The following NKAIN2 variants were observed in gnomAD, a reference collection of about 807,000 sequenced individuals.
NKAIN2 encodes the protein sodium/potassium transporting ATPase interacting 2, also known as sodium/potassium-transporting ATPase subunit beta-1-interacting protein 2.
A neutral mutation model predicts 32.6 loss-of-function variants in NKAIN2; 14 were observed. The ratio of observed to expected loss-of-function variants is 0.43; its 90% CI spans 0.28 to 0.67. The LOEUF (loss-of-function observed/expected upper bound fraction) is 0.67. Ranked by LOEUF, NKAIN2 falls within the 30% of genes least tolerant of loss-of-function variation. The probability of loss-of-function intolerance (pLI) is 0.17; values close to 1 mark genes in which losing one functional copy is unlikely to be tolerated. For synonymous variants in NKAIN2, 80 were observed against 87.2 expected, an observed-to-expected ratio of 0.92 and a Z score of 0.46; for missense variants, 198 against 258.3, an observed-to-expected ratio of 0.77 and a Z score of 1.60.
intron 1 of NKAIN2, among the ~76,000 whole-genome samples, chr6:124,108,143 GT>G (rs1562362289): frequency 6.6e-6 from 1 of 152,068 alleles, no homozygotes; most frequent in African/African-American, 2.4e-5. Context: ...CATCCACAGT[GT>G]ACAAGAGTTC....
At chr6:124,733,897 C>T (rs1398961981) in intron 4 of NKAIN2, among the ~76,000 whole-genome samples, 4 of 151,620 alleles carry the variant, frequency 2.6e-5, no homozygotes, top group African/African-American at 9.7e-5. Context: ...GGGCCTAAAG[C>T]AATGACACCT....
intron 1 of NKAIN2, among the ~76,000 whole-genome samples, chr6:124,027,208 C>T (rs1344094005): frequency 6.6e-6 from 1 of 150,566 alleles, no homozygotes; most frequent in African/African-American, 2.5e-5. Context: ...AGCACGATCT[C>T]AGCTCACTGC....
At chr6:123,850,578 T>C (rs1054887937) in intron 1 of NKAIN2, among the ~76,000 whole-genome samples, 1 of 152,168 alleles carries the variant, frequency 6.6e-6, no homozygotes, top group Non-Finnish European at 1.5e-5. Flanking sequence ...AGTTCACTTC[T>C]AACTTTGTTT....
At chr6:124,814,086 C>T (rs1013688097) in intron 5 of NKAIN2, among the ~76,000 whole-genome samples, 1 of 152,120 alleles carries the variant, frequency 6.6e-6, no homozygotes, top group Non-Finnish European at 1.5e-5. Context: ...ATACCTCTAC[C>T]TCTCTATCTA....
chr6:124,701,138 TACACACACACACACGCACACACACAC>T (rs1249748797), intron 4 of NKAIN2, among the ~76,000 whole-genome samples: 1 of 118,942 alleles, frequency 8.4e-6, no homozygotes, highest in Non-Finnish European at 1.7e-5. Context: ...AGGAGAGAGA[TACACACACACACACGCACACACACAC>T]ACACACACAC....
intron 4 of NKAIN2, among the ~76,000 whole-genome samples, chr6:124,731,559 TG>T (rs1167736525): frequency 4.4e-4 from 39 of 89,560 alleles, no homozygotes; most frequent in African/African-American, 1.7e-3. Flanking sequence ...GGGACTGTTG[TG>T]GGGTGGGGGG....
intron 2 of NKAIN2, among the ~76,000 whole-genome samples, chr6:124,326,971 C>T (rs1797442560): frequency 6.6e-6 from 1 of 152,066 alleles, no homozygotes; most frequent in Non-Finnish European, 1.5e-5. Context: ...AAACTGAGAT[C>T]CAGCGTTCTG....
At chr6:124,648,967 A>G (rs1784273204) in intron 3 of NKAIN2, among the ~76,000 whole-genome samples, 1 of 152,196 alleles carries the variant, frequency 6.6e-6, no homozygotes, top group South Asian at 2.1e-4. Context: ...CACTTTTTAA[A>G]TTTTGTAGAA....
chr6:124,108,200 G>A (rs1210661590), intron 1 of NKAIN2, among the ~76,000 whole-genome samples: 13 of 151,878 alleles, frequency 8.6e-5, no homozygotes, highest in Admixed American at 8.5e-4. Context: ...TTTGTTTCTT[G>A]GTAATAGACA....
intron 1 of NKAIN2, among the ~76,000 whole-genome samples, chr6:124,270,702 G>T (rs1003409939): frequency 8.5e-5 from 13 of 152,232 alleles, no homozygotes; most frequent in Middle Eastern, 3.4e-3. Flanking sequence ...AATTTCTAAA[G>T]TTCCTGTTAA....
At chr6:124,010,510 T>G (rs544837045) in intron 1 of NKAIN2, among the ~76,000 whole-genome samples, 1 of 150,588 alleles carries the variant, frequency 6.6e-6, no homozygotes, top group Admixed American at 6.7e-5. Flanking sequence ...AAGTTGAGTG[T>G]GTCATACTAG....
intron 2 of NKAIN2, among the ~76,000 whole-genome samples, chr6:124,312,448 C>A (rs1284295260): frequency 3.9e-5 from 6 of 152,192 alleles, no homozygotes; most frequent in Admixed American, 3.9e-4. Flanking sequence ...GTTCTCATAA[C>A]CCCTCTTTGG....
chr6:124,564,017 G>A (rs567912675), intron 3 of NKAIN2, among the ~76,000 whole-genome samples: 4 of 152,232 alleles, frequency 2.6e-5, no homozygotes, highest in Admixed American at 2.0e-4. Flanking sequence ...AATTAGGAAA[G>A]ATCACTCAGT....
intron 4 of NKAIN2, among the ~76,000 whole-genome samples, chr6:124,680,603 A>G (rs1183889551): frequency 6.6e-6 from 1 of 152,156 alleles, no homozygotes; most frequent in African/African-American, 2.4e-5. Flanking sequence ...GAACATACAA[A>G]TTAAAATATA....
At chr6:124,726,401 A>C (rs374447022) in intron 4 of NKAIN2, among the ~76,000 whole-genome samples, 1,661 of 151,170 alleles carry the variant, frequency 0.011, 15 homozygotes, top group East Asian at 0.016. Flanking sequence ...TCCCTGACCC[A>C]TGACCCCTGA....
intron 1 of NKAIN2, among the ~76,000 whole-genome samples, chr6:123,955,400 CTAATCTT>C (rs998318543): frequency 1.3e-5 from 2 of 151,700 alleles, no homozygotes; most frequent in African/African-American, 4.8e-5. Flanking sequence ...TATAGTCACT[CTAATCTT>C]TAACTTTCAT....
chr6:124,750,527 GGA>G (rs1777661029), intron 4 of NKAIN2, among the ~76,000 whole-genome samples: 1 of 151,808 alleles, frequency 6.6e-6, no homozygotes, highest in Non-Finnish European at 1.5e-5. Context: ...ATGGATGGAT[GGA>G]TGGATGGATG....
intron 3 of NKAIN2, among the ~76,000 whole-genome samples, chr6:124,570,617 G>A (rs117190860): frequency 6.6e-6 from 1 of 152,292 alleles, no homozygotes; most frequent in East Asian, 1.9e-4. Context: ...GTCAATAATT[G>A]AGGTTCGAGA....
At chr6:124,505,974 C>T (rs767444892) in intron 3 of NKAIN2, among the ~76,000 whole-genome samples, 1 of 151,986 alleles carries the variant, frequency 6.6e-6, no homozygotes, top group Non-Finnish European at 1.5e-5. Context: ...GAGACCGAGA[C>T]CATCCTGGCT....
Sources: allele counts gnomAD v4.1 joint callset (sites outside exome capture counted in the v4.1 genomes callset), GRCh38; gene constraint gnomAD v4.1.1; transcripts MANE v1.5; gene names NCBI Gene and HGNC (gene_info 2026-07-23, HGNC 2026-07-21).